NHERF2: variants seen among roughly 807,000 people sequenced by gnomAD.
NHERF2 encodes the protein Na(+)/H(+) exchange regulatory cofactor NHE-RF2.
chr16:2,033,411 C>T, the NHERF2 span: 5 of 1,533,284 alleles, frequency 3.3e-6, no homozygotes, highest in South Asian at 1.2e-5. Flanking sequence ...CTCCACGGAG[C>T]CCACCCCAGA....
At chr16:2,037,372 C>T in the NHERF2 span, among the ~76,000 whole-genome samples, 1 of 152,160 alleles carries the variant, frequency 6.6e-6, no homozygotes, top group African/African-American at 2.4e-5. Context: ...CTGTCACTGC[C>T]AGGCGCCCGG....
the NHERF2 span, chr16:2,037,887 C>T: frequency 1.1e-5 from 18 of 1,607,216 alleles, no homozygotes; most frequent in East Asian, 1.1e-4. Context: ...AGCCCCACGG[C>T]GGCCGAGGCC....
the NHERF2 span, chr16:2,027,334 G>C: frequency 3.7e-6 from 2 of 545,100 alleles, no homozygotes; most frequent in Non-Finnish European, 5.5e-6. Context: ...CGCGGACGTT[G>C]TCGGGAGGCA....
At chr16:2,037,782 A>T in the NHERF2 span, 1 of 1,555,180 alleles carries the variant, frequency 6.4e-7, no homozygotes. Context: ...GGGGTGTGGG[A>T]CTAGGGCTCA....
At chr16:2,032,985 G>A in the NHERF2 span, 8 of 1,129,516 alleles carry the variant, frequency 7.1e-6, no homozygotes, top group Admixed American at 4.7e-5. This position sits in a 1 kb window ranked among gnomAD's most constrained non-coding sequence, Gnocchi z 4.0. Context: ...GGGGGCTTCC[G>A]GGCTTCCCTG....
chr16:2,029,605 G>T, the NHERF2 span: 2 of 1,579,412 alleles, frequency 1.3e-6, no homozygotes, highest in African/African-American at 1.3e-5. Flanking sequence ...TCAAGGCTGT[G>T]GAGGGGCAGA....
At chr16:2,036,460 C>G in the NHERF2 span, 26 of 1,602,372 alleles carry the variant, frequency 1.6e-5, no homozygotes, top group African/African-American at 2.9e-4. Flanking sequence ...CCGGGCTCAC[C>G]TGCCGCCCGC....
At chr16:2,036,042 TGCGCCACGCTG>T in the NHERF2 span, 1 of 451,498 alleles carries the variant, frequency 2.2e-6, no homozygotes, top group African/African-American at 2.0e-5. Flanking sequence ...ACCCTGCCTG[TGCGCCACGCTG>T]GCCTCGAGCC....
the NHERF2 span, chr16:2,035,592 C>T: frequency 5.0e-5 from 49 of 986,464 alleles, no homozygotes; most frequent in South Asian, 9.4e-5. Context: ...CGCTGGCCAC[C>T]GCCGCCGCAC....
the NHERF2 span, chr16:2,027,137 C>T: frequency 1.1e-5 from 16 of 1,473,562 alleles, no homozygotes; most frequent in African/African-American, 2.1e-4. Context: ...CCGGTTCCCC[C>T]GCCGAGGCCG....
the NHERF2 span, among the ~76,000 whole-genome samples, chr16:2,031,558 T>C: frequency 1.3e-5 from 2 of 152,102 alleles, no homozygotes; most frequent in East Asian, 3.9e-4. Flanking sequence ...TTTCAGGCTC[T>C]GGGGGCTGCA....
the NHERF2 span, among the ~76,000 whole-genome samples, chr16:2,030,350 A>C: frequency 6.6e-6 from 1 of 151,250 alleles, no homozygotes; most frequent in African/African-American, 2.4e-5. Context: ...GGGTGAGCCC[A>C]CTCCTCCCCC....
chr16:2,033,026 C>G, the NHERF2 span: 42 of 1,224,890 alleles, frequency 3.4e-5, no homozygotes, highest in Non-Finnish European at 4.3e-5. Flanking sequence ...TCAACAGGAC[C>G]GTCCTGTGTT....
the NHERF2 span, chr16:2,036,682 G>A: frequency 1.2e-6 from 2 of 1,600,636 alleles, no homozygotes; most frequent in East Asian, 4.5e-5. Context: ...CGGCGTTGGG[G>A]GCTGTCTGGG....
At chr16:2,030,164 C>G in the NHERF2 span, among the ~76,000 whole-genome samples, 2 of 152,218 alleles carry the variant, frequency 1.3e-5, no homozygotes, top group East Asian at 3.9e-4. Context: ...GGGTGTCATC[C>G]GTGGCTCTGT....
chr16:2,037,891 C>T, the NHERF2 span: 25 of 1,608,788 alleles, frequency 1.6e-5, no homozygotes, highest in South Asian at 1.1e-4. Flanking sequence ...CCACGGCGGC[C>T]GAGGCCAAGG....
chr16:2,029,007 C>G, the NHERF2 span, among the ~76,000 whole-genome samples: 16 of 152,184 alleles, frequency 1.1e-4, no homozygotes, highest in Non-Finnish European at 2.1e-4. Context: ...CTCTGCAGAT[C>G]CAGAGGGAAT....
chr16:2,037,433 G>A, the NHERF2 span: 102 of 1,110,808 alleles, frequency 9.2e-5, no homozygotes, highest in African/African-American at 4.2e-4. Context: ...GCCCCCTGCC[G>A]AGTGGAGGAG....
chr16:2,036,382 C>T, the NHERF2 span: 24 of 1,610,534 alleles, frequency 1.5e-5, no homozygotes, highest in East Asian at 5.1e-4. Flanking sequence ...CGAAAGGGAC[C>T]TCAGGGCTAT....
Sources: gnomAD v4.1 joint callset for allele counts (sites outside exome capture counted in the v4.1 genomes callset) on GRCh38, gnomAD v4.1.1 for gene constraint, Gnocchi (gnomAD v3.1) non-coding constraint, MANE v1.5 for transcripts, NCBI Gene and HGNC (gene_info 2026-07-23, HGNC 2026-07-21) for gene names.